Variants in HNRNPUL2 observed in about 807,000 individuals in gnomAD.
The protein encoded by HNRNPUL2 is heterogeneous nuclear ribonucleoprotein U-like protein 2.
In HNRNPUL2, 27 loss-of-function variants were observed where a neutral mutation model predicts 102.2. The ratio of observed to expected loss-of-function variants is 0.26; its 90% CI spans 0.19 to 0.36. The LOEUF is 0.36. HNRNPUL2 is among the 10% of genes least tolerant of loss of function. The pLI is 1.00. For synonymous variants in HNRNPUL2, 458 were observed against 387.2 expected, an observed-to-expected ratio of 1.18 and a Z score of -2.15; for missense variants, 936 against 981.1, an observed-to-expected ratio of 0.95 and a Z score of 0.61.
In HNRNPUL2 at chr11:62,727,214, G is replaced by C; in HGVS notation, c.-58C>G. The C allele has an allele frequency of 7.6e-7, 1 of 1,323,874 alleles. No individual in the cohort carries two copies. Among genetic ancestry groups the C allele is most frequent in the Non-Finnish European group, 9.6e-7 (1 of 1,039,900 alleles). The allele number at this position is 1,323,874 out of a possible 1,614,324, so 82.0% of individuals were successfully genotyped here. ...TCCTCCCCTGCGAACCGTCGACCGA[G>C]TCCGACCGCGCAGGCGCCGCCGCCG... On this transcript the variant is annotated 5_prime_UTR_variant, in exon 1 of 14. Coordinates refer to ENST00000301785, the MANE Select transcript of HNRNPUL2 (RefSeq NM_001079559.3).
At position 62,723,572 on chromosome 11, in the gene HNRNPUL2, G is replaced by A; in HGVS notation, c.891+15C>T. On this transcript the variant is annotated intron_variant, in intron 4 of 13. Coordinates refer to ENST00000301785, the MANE Select transcript of HNRNPUL2 (RefSeq NM_001079559.3). ...TAATAAATGAATGAATGAATGAATG[G>A]TCTTAATGAGCTACCTTTGCCTCAA... is the stretch of plus-strand genomic sequence containing the variant. The A allele has an allele frequency of 6.3e-7, 1 of 1,587,188 alleles. No individual in the cohort carries two copies. The highest frequency in any genetic ancestry group is 8.6e-7 in the Non-Finnish European group (1 of 1,165,930).
intron 10 of HNRNPUL2, among the ~76,000 whole-genome samples, chr11:62,717,511 A>G (rs2134770334): frequency 6.6e-6 from 1 of 152,326 alleles, no homozygotes; most frequent in Non-Finnish European, 1.5e-5. Context: ...AGTAACTGAG[A>G]AAGTTCTGGT....
At position 62,722,161 on chromosome 11, in the gene HNRNPUL2, GCTC is replaced by G. The variant is rs2083707890; in HGVS notation, c.1312_1314del (p.Glu438del). On this transcript the variant is annotated inframe_deletion, in exon 7 of 14. Coordinates refer to ENST00000301785, the MANE Select transcript of HNRNPUL2 (RefSeq NM_001079559.3). ...TTGGGAGGGACTGCAGTGCGTACAC[GCTC>G]CTCAACAGGCACAGCATGAATGAAC... The G allele has an allele frequency of 3.7e-6, 6 of 1,614,048 alleles. No individual in the cohort carries two copies. Among genetic ancestry groups the G allele is most frequent in the South Asian group, 1.1e-5 (1 of 91,082 alleles).
Position 62,720,140 on chromosome 11 carries a change from A to C in HNRNPUL2, c.1663T>G (p.Phe555Val). ...QRRKLLLFKT[F>V]SRKVVVVVPN... Reference sequence around the variant, plus strand: ...ACAACCACCACCACTTTCCGAGAGAAGGTCTTGAACAGCAATAGCTTCCGC... The same window carrying C: ...ACAACCACCACCACTTTCCGAGAGACGGTCTTGAACAGCAATAGCTTCCGC... Residue 555 changes from phenylalanine (F) to valine (V), a missense_variant, in exon 10 of 14, where the codon TTC (phenylalanine) becomes GTC (valine). Transcript: ENST00000301785. 1 of 1,614,134 alleles carries C rather than the reference A, an allele frequency of 6.2e-7. No homozygotes were observed. The highest frequency in any genetic ancestry group is 8.5e-7 in the Non-Finnish European group (1 of 1,179,972).
chr11:62,724,445 G>C lies in HNRNPUL2; in HGVS notation c.539-19C>G. The C allele has an allele frequency of 1.2e-6, 2 of 1,614,076 alleles. No homozygotes were observed. Among genetic ancestry groups the C allele is most frequent in the Non-Finnish European group, 1.7e-6 (2 of 1,179,946 alleles). ...TCATCTCCTACAAAAACGAGGGAAA[G>C]AAAATCAGCAGTTTTCATACTGGAG... On this transcript the variant is annotated intron_variant, in intron 1 of 13. Transcript: ENST00000301785.
At position 62,723,979 on chromosome 11, in the gene HNRNPUL2, G is replaced by A. The variant is rs2083724199; in HGVS notation, c.686C>T (p.Pro229Leu). Residue 229 changes from proline (P) to leucine (L), a missense_variant, in exon 3 of 14, where the codon CCA becomes CTA. Physicochemically the swap from Pro to Leu is moderately conservative, Grantham distance 98. Coordinates refer to ENST00000301785, the MANE Select transcript of HNRNPUL2 (RefSeq NM_001079559.3). ...TTTTGCCTCTTCTTCAGGAGGCAGT[G>A]GAGACTTTGAGCTATATATGTAAGA... ...EEAYHSRSKS[P>L]LPPEEEAKDE... 1 of 1,612,818 alleles carries A rather than the reference G, an allele frequency of 6.2e-7. No individual in the cohort carries two copies. Among genetic ancestry groups the A allele is most frequent in the Admixed American group, 1.7e-5 (1 of 59,998 alleles).
In HNRNPUL2 at chr11:62,727,007, CCCG is replaced by C. The variant is rs1274457385; in HGVS notation, c.147_149del (p.Gly50del). Reference sequence around the variant, plus strand: ...CCTTGCAGGCCCCGCCGGGCCCGGCCCCGCCGCCGCCGGCCTCGTCCTCGAGCA... The same window carrying C: ...CCTTGCAGGCCCCGCCGGGCCCGGCCCCGCCGCCGGCCTCGTCCTCGAGCA... On this transcript the variant is annotated inframe_deletion, in exon 1 of 14. Coordinates refer to ENST00000301785, the MANE Select transcript of HNRNPUL2 (RefSeq NM_001079559.3). 19 of 1,362,426 alleles carry C rather than the reference CCCG, an allele frequency of 1.4e-5. No individual in the cohort carries two copies. The highest frequency in any genetic ancestry group is 8.5e-5 in the South Asian group (5 of 58,964). The allele number at this position is 1,362,426 out of a possible 1,614,324, so 84.4% of individuals were successfully genotyped here.
At position 62,722,719 on chromosome 11, in the gene HNRNPUL2, AC is replaced by A. The variant is rs754988024; in HGVS notation, c.983-7del. 6.2e-7 allele frequency: 1 copy of A among 1,612,252 alleles called. No individual in the cohort carries two copies. The highest frequency in any genetic ancestry group is 1.7e-5 in the Admixed American group (1 of 60,028). Reference sequence around the variant, plus strand: ...GTAAGAGAATTCATCTTCACCTAGAACAGTCAACAAATTAGTTACCTACAAC... The same window carrying A: ...GTAAGAGAATTCATCTTCACCTAGAAAGTCAACAAATTAGTTACCTACAAC... On this transcript the variant is annotated splice_polypyrimidine_tract_variant and splice_region_variant and intron_variant, in intron 5 of 13. Transcript: ENST00000301785.
intron 9 of HNRNPUL2, among the ~76,000 whole-genome samples, chr11:62,720,850 C>T (rs1357499136): frequency 4.6e-5 from 5 of 108,414 alleles, no homozygotes; most frequent in African/African-American, 1.5e-4. Context: ...GGCGACAGAG[C>T]GAGACTCGGT....
chr11:62,726,767 C>T lies in HNRNPUL2; in HGVS notation c.390G>A (p.Lys130=), dbSNP rs902458014. The T allele has an allele frequency of 1.9e-6, 3 of 1,601,052 alleles. No individual in the cohort carries two copies. Residue 130 remains lysine (K), a synonymous_variant, in exon 1 of 14, where the codon AAG becomes AAA. Transcript: ENST00000301785. ...EAAAEPDASE[K]PAEATAGSGG... ...CTGACCCGGCCGTGGCCTCCGCCGGCTTCTCGGAAGCATCTGGCTCGGCCG... is the reference window on the plus strand; with the variant it reads ...CTGACCCGGCCGTGGCCTCCGCCGGTTTCTCGGAAGCATCTGGCTCGGCCG...
chr11:62,715,561 A>T lies in HNRNPUL2; in HGVS notation c.2102T>A (p.Phe701Tyr). 6.2e-7 allele frequency: 1 copy of T among 1,613,424 alleles called. No homozygotes were observed. The highest frequency in any genetic ancestry group is 1.1e-5 in the South Asian group (1 of 91,052). The part of the protein sequence containing the change: ...YDRYRGDYDR[F>Y]YGRDYEYNRY... ...GTTGTACTCATAATCTCGCCCGTAA[A>T]ATCGATCATAGTCTCCCCTGTATCG... The change falls in exon 13 of 14, where the codon TTT (phenylalanine) becomes TAT (tyrosine). Residue 701 changes from phenylalanine to tyrosine, a missense_variant. Around this residue, in one of 2 missense-constraint regions of HNRNPUL2, gnomAD observed 609 missense variants for 713.0 expected, o/e 0.85. Transcript: ENST00000301785.
chr11:62,724,472 G>A (rs1342715913), intron 1 of HNRNPUL2, 46 bp from the exon 2 acceptor site: 12 of 1,610,122 alleles, frequency 7.5e-6, no homozygotes, highest in African/African-American at 1.3e-5. Flanking sequence ...ATACTGGAGT[G>A]TAGAATAAGC....
chr11:62,725,820 T>C (rs145992687), intron 1 of HNRNPUL2, among the ~76,000 whole-genome samples: 1 of 152,140 alleles, frequency 6.6e-6, no homozygotes, highest in Admixed American at 6.5e-5. Flanking sequence ...ACACACCTCT[T>C]CCACAAGGTT....
chr11:62,722,432 AT>A, intron 6 of HNRNPUL2, 52 bp from the exon 7 acceptor site: 5 of 1,580,352 alleles, frequency 3.2e-6, no homozygotes, highest in Non-Finnish European at 4.3e-6. Context: ...CTTTGGGTTG[AT>A]TAAACTTTAC....
At chr11:62,715,771 C>A in intron 12 of HNRNPUL2, 93 bp downstream of exon 12, 1 of 1,274,880 alleles carries the variant, frequency 7.8e-7, no homozygotes, top group Non-Finnish European at 1.1e-6. Context: ...AAACCCTAAG[C>A]CCTAAGAAAA....
chr11:62,726,283 C>A (rs1484148737), intron 1 of HNRNPUL2, among the ~76,000 whole-genome samples: 1 of 152,170 alleles, frequency 6.6e-6, no homozygotes, highest in African/African-American at 2.4e-5. Flanking sequence ...GTGTAATCCC[C>A]AATTGCTTAG....
At chr11:62,718,831 T>A (rs1238049410) in intron 10 of HNRNPUL2, among the ~76,000 whole-genome samples, 2 of 151,884 alleles carry the variant, frequency 1.3e-5, no homozygotes, top group African/African-American at 4.8e-5. Flanking sequence ...ACGGTCACTT[T>A]TTTTTTTTTG....
chr11:62,719,893 C>T (rs1429939124), intron 10 of HNRNPUL2, 130 bp downstream of exon 10: 4 of 820,068 alleles, frequency 4.9e-6, no homozygotes, highest in Non-Finnish European at 7.8e-6. Flanking sequence ...AGAAGGACCT[C>T]ACCAGATGCT....
intron 11 of HNRNPUL2, 75 bp downstream of exon 11, chr11:62,716,914 T>C (rs117747961): frequency 0.01 from 15,788 of 1,527,186 alleles, 127 homozygotes; most frequent in Middle Eastern, 0.015. Flanking sequence ...TTCCTTGGCC[T>C]TCCCTTGCAC....
Sources: allele counts gnomAD v4.1 joint callset (sites outside exome capture counted in the v4.1 genomes callset), GRCh38; gene constraint gnomAD v4.1.1; regional missense constraint gnomAD v4.1.1; transcripts MANE v1.5; gene names NCBI Gene and HGNC (gene_info 2026-07-23, HGNC 2026-07-21).